ZC3H3: variants seen among roughly 807,000 people sequenced by gnomAD.
ZC3H3 encodes zinc finger CCCH domain-containing protein 3.
Under a neutral mutation model 77.3 loss-of-function variants are expected in ZC3H3, and 36 were observed. The observed-to-expected ratio is 0.47, with a 90% confidence interval of 0.36 to 0.61. The LOEUF is 0.61. Among genes scored for constraint, ZC3H3 ranks in the 20% least tolerant of loss-of-function variants. ZC3H3 has a pLI of 0.00. For synonymous variants in ZC3H3, 626 were observed against 555.2 expected (o/e 1.13, Z -1.79); for missense variants, 1,331 against 1,312.2 (o/e 1.01, Z -0.22).
chr8:143,515,335 G>A (rs926049043), intron 3 of ZC3H3, among the ~76,000 whole-genome samples: 1 of 152,198 alleles, frequency 6.6e-6, no homozygotes, highest in African/African-American at 2.4e-5. Context: ...GCAGGTCATC[G>A]GCAGGGCCCC....
intron 4 of ZC3H3, among the ~76,000 whole-genome samples, chr8:143,476,341 C>T (rs998225729): frequency 3.3e-5 from 5 of 152,176 alleles, no homozygotes; most frequent in Admixed American, 6.5e-5. Context: ...GAAGAGGCCG[C>T]GACAGCCCCT....
At chr8:143,526,047 C>T (rs1822401172) in intron 3 of ZC3H3, among the ~76,000 whole-genome samples, 1 of 152,220 alleles carries the variant, frequency 6.6e-6, no homozygotes, top group Admixed American at 6.5e-5. Context: ...CCCCCACAGC[C>T]ACCATAGTTC....
At chr8:143,497,814 G>A (rs1208383835) in intron 4 of ZC3H3, among the ~76,000 whole-genome samples, 2 of 152,330 alleles carry the variant, frequency 1.3e-5, no homozygotes, top group South Asian at 2.1e-4. Context: ...TATCTGGGCC[G>A]CCAGCAGCTC....
At position 143,538,193 on chromosome 8, in the gene ZC3H3, AGGAG is replaced by A; in HGVS notation, c.1170_1173del (p.Phe392ValfsTer30). 1 of 1,612,944 alleles carries A rather than the reference AGGAG, an allele frequency of 6.2e-7. No homozygotes were observed. The highest frequency in any genetic ancestry group is 1.1e-5 in the South Asian group (1 of 91,088). On this transcript the variant is annotated frameshift_variant, in exon 2 of 12. Coordinates refer to ENST00000262577, the MANE Select transcript of ZC3H3 (RefSeq NM_015117.3). LOFTEE classifies it high-confidence loss of function. ...CTGCTGGCCTCCGACTGCCAACGGA[AGGAG>A]GAAGAGGAGGAGGCAGAGGGGCTGG...
intron 4 of ZC3H3, among the ~76,000 whole-genome samples, chr8:143,496,523 A>G (rs1374683005): frequency 3.9e-5 from 6 of 152,314 alleles, no homozygotes; most frequent in African/African-American, 1.4e-4. Context: ...AGCAGATTAC[A>G]GCCTATCAAG....
chr8:143,474,320 A>C (rs1250759208), intron 5 of ZC3H3, among the ~76,000 whole-genome samples: 1 of 152,184 alleles, frequency 6.6e-6, no homozygotes, highest in East Asian at 1.9e-4. Flanking sequence ...CCAGATCCTC[A>C]GCGAGTGGGG....
intron 11 of ZC3H3, among the ~76,000 whole-genome samples, chr8:143,439,351 G>A (rs776636639): frequency 2.6e-5 from 4 of 152,176 alleles, no homozygotes; most frequent in Admixed American, 6.5e-5. Context: ...CGTTACGACC[G>A]TGAAATATGA....
intron 3 of ZC3H3, among the ~76,000 whole-genome samples, chr8:143,520,935 T>G (rs1355503420): frequency 6.6e-6 from 1 of 152,212 alleles, no homozygotes; most frequent in African/African-American, 2.4e-5. Context: ...GCTGGGTTTC[T>G]GGCCCGTATA....
At chr8:143,489,583 C>T (rs1429919462) in intron 4 of ZC3H3, among the ~76,000 whole-genome samples, 2 of 152,216 alleles carry the variant, frequency 1.3e-5, no homozygotes, top group Admixed American at 6.5e-5. Context: ...CCCAGGACCG[C>T]CCCAGGCAAG....
chr8:143,478,548 G>T (rs949013242), intron 4 of ZC3H3, among the ~76,000 whole-genome samples: 6 of 152,302 alleles, frequency 3.9e-5, no homozygotes, highest in South Asian at 4.1e-4. Flanking sequence ...TTGCTCTTGT[G>T]ACCCAGGCTA....
At chr8:143,506,088 A>C (rs1428392516) in intron 4 of ZC3H3, among the ~76,000 whole-genome samples, 1 of 152,246 alleles carries the variant, frequency 6.6e-6, no homozygotes, top group Non-Finnish European at 1.5e-5. Context: ...GCCCCAGGGC[A>C]TGGGCACTTG....
chr8:143,496,566 G>GCAAAT (rs1444750270), intron 4 of ZC3H3, among the ~76,000 whole-genome samples: 1 of 152,204 alleles, frequency 6.6e-6, no homozygotes, highest in Non-Finnish European at 1.5e-5. Context: ...CGCCGTTAAA[G>GCAAAT]CAAATCAACA....
Position 143,538,427 on chromosome 8 carries a change from C to T in ZC3H3, c.940G>A (p.Val314Met), listed in dbSNP as rs1822879149. Reference sequence around the variant, plus strand: ...CGGGGACTCTTCGAGGAGGCAGCCACCCATTTGTAGTTGTTTTTCCGGAAC... The same window carrying T: ...CGGGGACTCTTCGAGGAGGCAGCCATCCATTTGTAGTTGTTTTTCCGGAAC... ...NKFRKNNYKWVAASSKSPRVA... is the reference protein window; with the variant it reads ...NKFRKNNYKWMAASSKSPRVA... The change falls in exon 2 of 12, where the codon GTG (valine) becomes ATG (methionine). Residue 314 changes from valine (V) to methionine (M), a missense_variant. By Grantham distance (21) the Val-to-Met change is conservative. Transcript: ENST00000262577. 3.7e-6 allele frequency: 6 copies of T among 1,613,124 alleles called. No homozygotes were observed. The highest frequency in any genetic ancestry group is 2.7e-5 in the African/African-American group (2 of 74,948).
chr8:143,452,012 A>G (rs897781050), intron 9 of ZC3H3, among the ~76,000 whole-genome samples: 3 of 152,192 alleles, frequency 2.0e-5, no homozygotes, highest in Non-Finnish European at 4.4e-5. Flanking sequence ...CAAGACTTGG[A>G]GTCAAGGAAG....
At chr8:143,441,248 G>A in intron 9 of ZC3H3, 128 bp from the exon 10 acceptor site, 1 of 1,004,406 alleles carries the variant, frequency 1.0e-6, no homozygotes, top group Non-Finnish European at 1.3e-6. Flanking sequence ...CCAAGTCTTG[G>A]GGCCAAAGGC....
chr8:143,479,138 C>T (rs1186061154), intron 4 of ZC3H3, among the ~76,000 whole-genome samples: 3 of 152,320 alleles, frequency 2.0e-5, no homozygotes, highest in African/African-American at 4.8e-5. Flanking sequence ...TGTGGCAGAA[C>T]GTCGGGCCTG....
intron 9 of ZC3H3, among the ~76,000 whole-genome samples, chr8:143,450,761 T>G (rs4874128): frequency 0.63 from 95,350 of 151,846 alleles, 30,219 homozygotes; most frequent in African/African-American, 0.66. Flanking sequence ...TAAACTATTA[T>G]AAACCATCCC....
intron 3 of ZC3H3, among the ~76,000 whole-genome samples, chr8:143,509,403 C>T (rs1159562882): frequency 2.0e-5 from 3 of 152,240 alleles, no homozygotes; most frequent in East Asian, 1.9e-4. Context: ...ATGGGCTGCC[C>T]GGCTGCTCCT....
chr8:143,508,757 G>A (rs1170568593), intron 3 of ZC3H3, among the ~76,000 whole-genome samples: 2 of 151,346 alleles, frequency 1.3e-5, no homozygotes, highest in Non-Finnish European at 1.5e-5. Context: ...GCCCACAGGA[G>A]GACCCCACCC....
Sources: gnomAD v4.1 joint callset for allele counts (sites outside exome capture counted in the v4.1 genomes callset) on GRCh38, gnomAD v4.1.1 for gene constraint, MANE v1.5 for transcripts, NCBI Gene and HGNC (gene_info 2026-07-23, HGNC 2026-07-21) for gene names.